Variants in ABCB11 observed in about 807,000 individuals in gnomAD.
ABCB11 encodes bile salt export pump.
In ABCB11, 95 loss-of-function variants were observed where a neutral mutation model predicts 148.0. That is an observed-to-expected ratio of 0.64 (90% CI 0.54 to 0.76). The LOEUF (loss-of-function observed/expected upper bound fraction) is 0.76, where lower values mean the gene tolerates loss of function less well. Ranked by LOEUF, ABCB11 falls within the 30% of genes least tolerant of loss-of-function variation. ABCB11 has a pLI of 0.00. For synonymous variants in ABCB11, 591 were observed against 555.4 expected, an observed-to-expected ratio of 1.06 and a Z score of -0.90; for missense variants, 1,523 against 1,617.8, an observed-to-expected ratio of 0.94 and a Z score of 1.01.
chr2:168,982,674 A>G (rs1333178942), intron 10 of ABCB11, among the ~76,000 whole-genome samples: 2 of 152,130 alleles, frequency 1.3e-5, no homozygotes, highest in Middle Eastern at 3.2e-3. Flanking sequence ...TGGATTAACC[A>G]AACCGTTAAT....
intron 5 of ABCB11, among the ~76,000 whole-genome samples, chr2:168,998,398 A>C (rs1694780006): frequency 6.6e-6 from 1 of 152,066 alleles, no homozygotes; most frequent in Admixed American, 6.6e-5. Context: ...TGACTATAAT[A>C]GTTAACAATA....
At chr2:168,974,651 C>A (rs372974810) in intron 12 of ABCB11, among the ~76,000 whole-genome samples, 1 of 151,964 alleles carries the variant, frequency 6.6e-6, no homozygotes, top group Admixed American at 6.6e-5. Flanking sequence ...ATGTGGCACA[C>A]AGAGGGTTAA....
chr2:169,018,088 A>G lies in ABCB11; in HGVS notation c.38T>C (p.Phe13Ser), dbSNP rs201203913. 1.1e-5 allele frequency: 18 copies of G among 1,613,608 alleles called. No individual in the cohort carries two copies. The highest frequency in any genetic ancestry group is 1.7e-5 in the Admixed American group (1 of 59,966). The stretch of plus-strand genomic sequence containing the variant: ...CTCAAAACCATCATTCTCCTCTCCA[A>G]ATTTCTTTATACTTCGAAGAATTAC... ...DSVILRSIKK[F>S]GEENDGFESD... is the part of the protein sequence containing the mutation. The change falls in exon 2 of 28, where the codon TTT becomes TCT. Residue 13 changes from phenylalanine (F) to serine (S), a missense_variant. Phe to Ser is a radical substitution (Grantham distance 155). Transcript: ENST00000650372.
chr2:168,938,624 A>G (rs1301405604), intron 21 of ABCB11, among the ~76,000 whole-genome samples: 1 of 152,164 alleles, frequency 6.6e-6, no homozygotes, highest in Non-Finnish European at 1.5e-5. Flanking sequence ...ATAACAATGT[A>G]AATGTACTTA....
chr2:168,927,082 A>G (rs1691347612), intron 26 of ABCB11, 74 bp downstream of exon 26: 12 of 1,401,312 alleles, frequency 8.6e-6, no homozygotes, highest in Non-Finnish European at 1.2e-5. Flanking sequence ...GGGATGCTCA[A>G]CCTGTACACT....
At chr2:168,978,282 A>T in intron 11 of ABCB11, among the ~76,000 whole-genome samples, 1 of 151,480 alleles carries the variant, frequency 6.6e-6, no homozygotes, top group East Asian at 1.9e-4. Flanking sequence ...ACTAGCTGGG[A>T]CTATAGGCAT....
intron 3 of ABCB11, among the ~76,000 whole-genome samples, chr2:169,014,885 T>A (rs899109083): frequency 6.6e-6 from 1 of 152,200 alleles, no homozygotes; most frequent in Admixed American, 6.5e-5. Context: ...GTTTAACCTG[T>A]ATTTGACCTC....
intron 18 of ABCB11, among the ~76,000 whole-genome samples, chr2:168,959,956 A>C (rs1692989607): frequency 6.6e-6 from 1 of 150,960 alleles, no homozygotes; most frequent in South Asian, 2.1e-4. Context: ...AAAAAAAAAA[A>C]AAACCCGAAT....
intron 1 of ABCB11, among the ~76,000 whole-genome samples, chr2:169,020,075 A>G (rs948249073): frequency 6.6e-6 from 1 of 152,198 alleles, no homozygotes; most frequent in African/African-American, 2.4e-5. Context: ...AACCTTTTAT[A>G]TTTCAAAAGA....
chr2:169,014,425 A>G, intron 3 of ABCB11, 71 bp from the exon 4 acceptor site: 2 of 1,412,958 alleles, frequency 1.4e-6, no homozygotes, highest in Non-Finnish European at 2.0e-6. Flanking sequence ...CTAGGTGGTG[A>G]TTTTATGAGT....
chr2:169,018,277 T>C (rs1032636181), intron 1 of ABCB11, 125 bp from the exon 2 acceptor site: 3 of 839,348 alleles, frequency 3.6e-6, no homozygotes, highest in African/African-American at 1.7e-5. Flanking sequence ...CAGACAAAAG[T>C]TTTAAAATCG....
chr2:168,999,885 T>G (rs1694820670), intron 5 of ABCB11, among the ~76,000 whole-genome samples: 1 of 152,156 alleles, frequency 6.6e-6, no homozygotes, highest in South Asian at 2.1e-4. Context: ...GTTTAGAATT[T>G]TTTTAATTAC....
At chr2:168,949,058 T>G (rs1231977195) in intron 19 of ABCB11, among the ~76,000 whole-genome samples, 3 of 151,652 alleles carry the variant, frequency 2.0e-5, no homozygotes, top group Non-Finnish European at 3.0e-5. Flanking sequence ...TCGGTAAACC[T>G]GGGCCCTAGT....
At chr2:168,955,653 A>G (rs1692756936) in intron 19 of ABCB11, among the ~76,000 whole-genome samples, 1 of 151,522 alleles carries the variant, frequency 6.6e-6, no homozygotes, top group South Asian at 2.1e-4. Context: ...CCCCTCCAAA[A>G]ACTCATGTCC....
intron 19 of ABCB11, among the ~76,000 whole-genome samples, chr2:168,954,563 G>C (rs565092388): frequency 6.6e-6 from 1 of 151,398 alleles, no homozygotes; most frequent in South Asian, 2.1e-4. Flanking sequence ...TTCTCTTCTG[G>C]CCTGTAAGGT....
In ABCB11 at chr2:168,921,948, A is replaced by T. The variant is rs1046595221; in HGVS notation, c.*1674T>A. ...ACTGCAAGCTCCACCTCCCGGGTTC[A>T]CGCCATTCTCCTGCCTCAGCCTCCT... On this transcript the variant is annotated 3_prime_UTR_variant, in exon 28 of 28. Coordinates refer to ENST00000650372, the MANE Select transcript of ABCB11 (RefSeq NM_003742.4). Among the ~76,000 whole-genome samples the T allele has an allele frequency of 2.0e-5, 3 of 147,222 alleles. No homozygotes were observed. The highest frequency in any genetic ancestry group is 7.6e-5 in the African/African-American group (3 of 39,332).
rs527955923 is a variant in ABCB11 at position 168,920,911 on chromosome 2, A to G, written c.*2711T>C. Among the ~76,000 whole-genome samples the G allele has an allele frequency of 5.9e-4, 90 of 152,320 alleles. No homozygotes were observed. The highest frequency in any genetic ancestry group is 2.1e-3 in the African/African-American group (89 of 41,570). On this transcript the variant is annotated 3_prime_UTR_variant, in exon 28 of 28. Coordinates refer to ENST00000650372, the MANE Select transcript of ABCB11 (RefSeq NM_003742.4). ...GACAATCTTTTCCCTGTCATCAATA[A>G]CTTTCAAGTATCTTATTTGAAAATA...
At position 168,944,694 on chromosome 2, in the gene ABCB11, C is replaced by T. The variant is rs754572557; in HGVS notation, c.2521G>A (p.Gly841Arg). Residue 841 changes from glycine to arginine, a missense_variant, in exon 21 of 28, where the codon GGG becomes AGG. Gly to Arg is a moderately radical substitution (Grantham distance 125). Transcript: ENST00000650372. ...TCATCAAACCAGGCAATATCTTGCC[C>T]CAGCATTGCCCTGAAACCAAATTTA... ...LRKFGFRAML[G>R]QDIAWFDDLR... 6.2e-7 allele frequency: 1 copy of T among 1,612,842 alleles called. No homozygotes were observed. Among genetic ancestry groups the T allele is most frequent in the Admixed American group, 1.7e-5 (1 of 59,886 alleles).
chr2:168,977,715 A>C (rs1693970884), intron 11 of ABCB11, among the ~76,000 whole-genome samples: 1 of 152,184 alleles, frequency 6.6e-6, no homozygotes, highest in East Asian at 1.9e-4. Context: ...GAAACTTACA[A>C]CCATGGTTGA....
Sources: allele counts gnomAD v4.1 joint callset (sites outside exome capture counted in the v4.1 genomes callset), GRCh38; gene constraint gnomAD v4.1.1; transcripts MANE v1.5; gene names NCBI Gene and HGNC (gene_info 2026-07-23, HGNC 2026-07-21).